Variants in TUBB3 observed in about 807,000 individuals in gnomAD.
TUBB3 encodes tubulin beta 3 class III, also known as tubulin beta-3 chain.
In TUBB3, 17 loss-of-function variants were observed where a neutral mutation model predicts 37.8. That is an observed-to-expected ratio of 0.45 (90% confidence interval 0.31 to 0.67). The LOEUF is 0.67. TUBB3 is among the 30% of genes least tolerant of loss of function. TUBB3 has a pLI of 0.07. For missense variants in TUBB3, 262 were observed against 657.9 expected (o/e 0.40, Z 6.58); for synonymous variants, 332 against 278.9 (o/e 1.19, Z -1.90).
intron 1 of TUBB3, among the ~76,000 whole-genome samples, chr16:89,931,265 A>T (rs2030268940): frequency 6.6e-6 from 1 of 152,134 alleles, no homozygotes; most frequent in African/African-American, 2.4e-5. Context: ...GCCCCACCAA[A>T]TTGTTTTCTA....
At chr16:89,929,902 T>G (rs906115906) in intron 1 of TUBB3, among the ~76,000 whole-genome samples, 2 of 151,640 alleles carry the variant, frequency 1.3e-5, no homozygotes, top group African/African-American at 2.4e-5. Context: ...GGTTTTGCCA[T>G]GTTGGCCAGG....
chr16:89,935,910 C>A lies in TUBB3; in HGVS notation c.*106C>A. ...TGCCGACACCCTGCTTTCCCCTCGCCCTAGGGCTCCCTTGCCGCCCTCCTG... is the reference window on the plus strand; with the variant it reads ...TGCCGACACCCTGCTTTCCCCTCGCACTAGGGCTCCCTTGCCGCCCTCCTG... On this transcript the variant is annotated 3_prime_UTR_variant, in exon 4 of 4. Transcript: ENST00000315491. The A allele has an allele frequency of 7.1e-7, 1 of 1,399,792 alleles. No individual in the cohort carries two copies. The highest frequency in any genetic ancestry group is 2.3e-5 in the Admixed American group (1 of 43,960). The allele number at this position is 1,399,792 out of a possible 1,614,324, so 86.7% of individuals were successfully genotyped here.
At chr16:89,932,483 T>C (rs2030311716) in intron 1 of TUBB3, 88 bp from the exon 2 acceptor site, 6 of 1,095,048 alleles carry the variant, frequency 5.5e-6, no homozygotes, top group Non-Finnish European at 8.4e-6. Context: ...CCTAATTTTG[T>C]AGTGAGGGCT....
At chr16:89,928,183 T>C (rs1486571580) in intron 1 of TUBB3, among the ~76,000 whole-genome samples, 1 of 152,012 alleles carries the variant, frequency 6.6e-6, no homozygotes, top group Non-Finnish European at 1.5e-5. Flanking sequence ...GCCTCCTGAG[T>C]AGCTGGGGCT....
chr16:89,923,044 G>A (rs7186815), upstream of TUBB3, among the ~76,000 whole-genome samples: 6,555 of 152,296 alleles, frequency 0.043, 504 homozygotes, highest in African/African-American at 0.15. Context: ...GGTTCCCAGG[G>A]CCAAGAGGGG....
intron 1 of TUBB3, among the ~76,000 whole-genome samples, chr16:89,924,617 C>T (rs1338335829): frequency 6.6e-6 from 1 of 151,974 alleles, no homozygotes; most frequent in Non-Finnish European, 1.5e-5. Context: ...GCCATGGAAA[C>T]CAGGCAGGAA....
At chr16:89,927,489 T>G (rs2144405873) in intron 1 of TUBB3, among the ~76,000 whole-genome samples, 1 of 152,328 alleles carries the variant, frequency 6.6e-6, no homozygotes, top group African/African-American at 2.4e-5. Flanking sequence ...AAAAAAAACC[T>G]TAAATATTGC....
intron 1 of TUBB3, among the ~76,000 whole-genome samples, chr16:89,930,291 G>T (rs1317470674): frequency 6.6e-6 from 1 of 151,694 alleles, no homozygotes; most frequent in Non-Finnish European, 1.5e-5. Context: ...TTTTGGGAGA[G>T]ATGGAGTTTC....
At chr16:89,933,930 T>C in intron 3 of TUBB3, 1 of 618,416 alleles carries the variant, frequency 1.6e-6, no homozygotes, top group Non-Finnish European at 2.9e-6. Context: ...CATGCCTGTG[T>C]CCTGGGGTTG....
chr16:89,932,451 G>A (rs903085129), intron 1 of TUBB3, 120 bp from the exon 2 acceptor site: 35 of 771,826 alleles, frequency 4.5e-5, no homozygotes, highest in Admixed American at 7.9e-5. Context: ...AATGGGGCTC[G>A]TGGAGGCCGT....
intron 1 of TUBB3, among the ~76,000 whole-genome samples, chr16:89,930,227 C>G (rs570941831): frequency 2.0e-5 from 3 of 151,798 alleles, no homozygotes; most frequent in Admixed American, 6.6e-5. Context: ...GCCTCAGCCT[C>G]TCGAGTAGCT....
intron 1 of TUBB3, among the ~76,000 whole-genome samples, chr16:89,929,306 A>C (rs1181155070): frequency 6.6e-6 from 1 of 152,162 alleles, no homozygotes; most frequent in Non-Finnish European, 1.5e-5. Context: ...AAAAGAATAA[A>C]ACTTAGCAAT....
rs778032071 is a variant in TUBB3, at chr16:89,923,450, G to C, written c.49G>C (p.Gly17Arg). 6.6e-7 allele frequency: 1 copy of C among 1,506,108 alleles called. No individual in the cohort carries two copies. Among genetic ancestry groups the C allele is most frequent in the Non-Finnish European group, 8.9e-7 (1 of 1,126,784 alleles). 93.3% of individuals were successfully genotyped at this position (1,506,108 alleles called of 1,614,324 possible). ...IQAGQCGNQI[G>R]AKFWEVISDE... Reference sequence around the variant, plus strand: ...GGCCGGCCAGTGCGGCAACCAGATCGGGGCCAAGGTGAGGCTGCGCGCCCC... The same window carrying C: ...GGCCGGCCAGTGCGGCAACCAGATCCGGGCCAAGGTGAGGCTGCGCGCCCC... Residue 17 changes from glycine to arginine, a missense_variant, in exon 1 of 4, where the codon GGG (glycine) becomes CGG (arginine). Transcript: ENST00000315491.
chr16:89,933,389 G>A (rs997583684), intron 2 of TUBB3, 79 bp from the exon 3 acceptor site: 41 of 1,172,268 alleles, frequency 3.5e-5, no homozygotes, highest in African/African-American at 3.0e-4. Flanking sequence ...GATGGCAGGC[G>A]GGCACAGAAT....
intron 1 of TUBB3, among the ~76,000 whole-genome samples, chr16:89,929,847 C>T (rs1053626033): frequency 2.0e-5 from 3 of 152,058 alleles, no homozygotes; most frequent in Non-Finnish European, 4.4e-5. Context: ...ATTACAGGTG[C>T]TCGCCACCAC....
At chr16:89,926,240 C>T (rs968449416) in intron 1 of TUBB3, among the ~76,000 whole-genome samples, 1 of 152,096 alleles carries the variant, frequency 6.6e-6, no homozygotes, top group Admixed American at 6.6e-5. Context: ...GCTGCGGCAC[C>T]GCCTCCTCGC....
intron 1 of TUBB3, among the ~76,000 whole-genome samples, chr16:89,924,577 G>A (rs537982140): frequency 6.6e-6 from 1 of 152,190 alleles, no homozygotes; most frequent in South Asian, 2.1e-4. Context: ...AGGGGAAGGG[G>A]CCAGAGAAAG....
chr16:89,923,400 G>A lies in TUBB3; in HGVS notation c.-2G>A, dbSNP rs1230522851. The A allele has an allele frequency of 1.3e-6, 2 of 1,504,716 alleles. No homozygotes were observed. Among genetic ancestry groups the A allele is most frequent in the Non-Finnish European group, 1.8e-6 (2 of 1,125,984 alleles). 93.2% of individuals were successfully genotyped at this position (1,504,716 alleles called of 1,614,324 possible). On this transcript the variant is annotated 5_prime_UTR_variant, in exon 1 of 4. Transcript: ENST00000315491. ...CGCAGCCGCCCGCCAGACGCGCCCA[G>A]TATGAGGGAGATCGTGCACATCCAG...
chr16:89,934,532 C>T (rs1036244885), intron 3 of TUBB3, 197 bp from the exon 4 acceptor site: 8 of 655,396 alleles, frequency 1.2e-5, no homozygotes, highest in Non-Finnish European at 1.9e-5. Flanking sequence ...CCAGAGCCCT[C>T]GTCCTGAGCA....
Sources: gnomAD v4.1 joint callset for allele counts (sites outside exome capture counted in the v4.1 genomes callset) on GRCh38, gnomAD v4.1.1 for gene constraint, MANE v1.5 for transcripts, NCBI Gene and HGNC (gene_info 2026-07-23, HGNC 2026-07-21) for gene names.